Variants in UBAP2 observed in about 807,000 individuals in gnomAD.
UBAP2 encodes the protein ubiquitin-associated protein 2.
In UBAP2, 75 loss-of-function variants were observed where a neutral mutation model predicts 139.6. The observed-to-expected ratio is 0.54, with a 90% CI of 0.45 to 0.65. The LOEUF is 0.65. UBAP2 is among the 30% of genes least tolerant of loss of function. The probability of loss-of-function intolerance (pLI) is 0.00; values close to 1 mark genes in which losing one functional copy is unlikely to be tolerated. For synonymous variants in UBAP2, 526 were observed against 526.2 expected (o/e 1.00, Z 0.01); for missense variants, 1,368 against 1,369.6 (o/e 1.00, Z 0.02).
intron 1 of UBAP2, among the ~76,000 whole-genome samples, chr9:34,044,055 C>T (rs1827336594): frequency 7.0e-6 from 1 of 142,384 alleles, no homozygotes; most frequent in African/African-American, 2.7e-5. Context: ...CACACCACTG[C>T]ACTCTGGCCT....
chr9:34,018,495 TTCCAATTC>T (rs1465130722), intron 1 of UBAP2, among the ~76,000 whole-genome samples: 1 of 151,976 alleles, frequency 6.6e-6, no homozygotes, highest in Non-Finnish European at 1.5e-5. Context: ...GATCCAGCAA[TTCCAATTC>T]TGGGTAGGCA....
intron 17 of UBAP2, chr9:33,935,620 G>C: frequency 1.6e-6 from 1 of 608,080 alleles, no homozygotes; most frequent in Non-Finnish European, 2.9e-6. Context: ...AGTCTGATTA[G>C]GGCAGAAGAA....
chr9:33,981,342 G>A (rs1039398084), intron 6 of UBAP2, among the ~76,000 whole-genome samples: 2 of 141,190 alleles, frequency 1.4e-5, no homozygotes, highest in South Asian at 2.2e-4. Context: ...AATAAAAGAC[G>A]GGGAAAGATA....
chr9:33,929,823 G>A (rs1823805696), intron 19 of UBAP2, among the ~76,000 whole-genome samples: 1 of 152,142 alleles, frequency 6.6e-6, no homozygotes, highest in Non-Finnish European at 1.5e-5. Flanking sequence ...TCAACACAGT[G>A]AAACCCTGCC....
In UBAP2 at chr9:33,922,339, A is replaced by C. The variant is rs1182109044; in HGVS notation, c.*165T>G. 1 of 682,422 alleles carries C rather than the reference A, an allele frequency of 1.5e-6. No individual in the cohort carries two copies. The highest frequency in any genetic ancestry group is 2.5e-6 in the Non-Finnish European group (1 of 392,980). 42.3% of individuals were successfully genotyped at this position (682,422 alleles called of 1,614,324 possible). A position where few individuals can be genotyped will look rare whatever the true frequency, so the allele number is the denominator to read the frequency against. Reference sequence around the variant, plus strand: ...TATCACATTTACAAATACATACATAAATACATTACATACAGTAGCCAGTCT... The same window carrying C: ...TATCACATTTACAAATACATACATACATACATTACATACAGTAGCCAGTCT... On this transcript the variant is annotated 3_prime_UTR_variant, in exon 29 of 29. Transcript: ENST00000379238.
chr9:33,973,342 T>G (rs1283408587), intron 6 of UBAP2, 105 bp from the exon 7 acceptor site: 2 of 1,251,696 alleles, frequency 1.6e-6, no homozygotes, highest in Admixed American at 1.8e-5. Flanking sequence ...TTATCATTAT[T>G]CCTAGTAGCA....
intron 5 of UBAP2, among the ~76,000 whole-genome samples, chr9:33,988,102 ATC>A (rs1213170587): frequency 1.3e-5 from 2 of 152,130 alleles, no homozygotes; most frequent in African/African-American, 4.8e-5. Flanking sequence ...CATAATTTGC[ATC>A]TCTGTTTTTC....
intron 1 of UBAP2, among the ~76,000 whole-genome samples, chr9:34,022,218 C>G (rs1325677334): frequency 6.6e-6 from 1 of 151,868 alleles, no homozygotes; most frequent in South Asian, 2.1e-4. Context: ...GCACTCCAAC[C>G]TGGGCAACAA....
chr9:33,980,293 C>T (rs1285593168), intron 6 of UBAP2, among the ~76,000 whole-genome samples: 1 of 110,548 alleles, frequency 9.0e-6, no homozygotes, highest in African/African-American at 3.5e-5. Flanking sequence ...AGTGCAGTGG[C>T]GTGATCTCGG....
chr9:34,003,627 G>T (rs780585327), intron 2 of UBAP2, among the ~76,000 whole-genome samples: 34 of 151,934 alleles, frequency 2.2e-4, no homozygotes, highest in Non-Finnish European at 4.4e-4. Flanking sequence ...GGCTGGTCTT[G>T]AACTCCTGAC....
At chr9:33,949,703 TCA>T (rs1402307628) in intron 12 of UBAP2, among the ~76,000 whole-genome samples, 1 of 148,158 alleles carries the variant, frequency 6.7e-6, no homozygotes, top group African/African-American at 2.6e-5. Flanking sequence ...GACTCGTCTC[TCA>T]TGTGTGTGTG....
intron 3 of UBAP2, chr9:33,998,566 CAGAA>C (rs1822400965): frequency 2.1e-6 from 1 of 473,080 alleles, no homozygotes; most frequent in South Asian, 3.0e-5. Flanking sequence ...ACTAGTAACT[CAGAA>C]AGATTATATT....
At chr9:33,963,860 T>C in intron 8 of UBAP2, 69 bp from the exon 9 acceptor site, 3 of 1,165,782 alleles carry the variant, frequency 2.6e-6, no homozygotes, top group East Asian at 4.7e-5. Context: ...ACAGAGAAGA[T>C]GGTCACTGTC....
chr9:33,951,375 T>C (rs1826092601), intron 12 of UBAP2, among the ~76,000 whole-genome samples: 1 of 132,288 alleles, frequency 7.6e-6, no homozygotes, highest in African/African-American at 2.9e-5. Context: ...TGAGATAGAG[T>C]TTCTCTCGTC....
intron 2 of UBAP2, among the ~76,000 whole-genome samples, chr9:34,007,730 C>T (rs374228475): frequency 2.1e-4 from 32 of 151,574 alleles, no homozygotes; most frequent in African/African-American, 7.3e-4. Context: ...GCTCTGCCTC[C>T]CCGATTCACG....
At position 34,018,182 on chromosome 9, in the gene UBAP2, A is replaced by G. The variant is rs147902308; in HGVS notation, c.-41-993T>C. Among the ~76,000 whole-genome samples the G allele has an allele frequency of 6.3e-4, 96 of 151,472 alleles. No individual in the cohort carries two copies. The East Asian group carries it at 0.011, about 17-fold the overall frequency. ...CTCAATTTAAAAAAAAAAAAAAATT[A>G]TAACCATAAGATTCCTACTTCCTAC... On this transcript the variant is annotated intron_variant, in intron 1 of 28. Coordinates refer to ENST00000379238, the MANE Select transcript of UBAP2 (RefSeq NM_001370062.2).
intron 22 of UBAP2, 88 bp from the exon 23 acceptor site, chr9:33,924,372 C>A: frequency 7.6e-7 from 1 of 1,308,010 alleles, no homozygotes; most frequent in Non-Finnish European, 1.1e-6. Context: ...GGTGACGCCA[C>A]ACTCCTGAAA....
At chr9:34,043,576 T>C (rs1587709194) in intron 1 of UBAP2, among the ~76,000 whole-genome samples, 1 of 89,578 alleles carries the variant, frequency 1.1e-5, no homozygotes, top group African/African-American at 4.0e-5. Context: ...GGCACAATCA[T>C]AGCTCACTGT....
Position 33,954,032 on chromosome 9 carries a change from G to A in UBAP2, c.867-558C>T, listed in dbSNP as rs373418057. ...AGCGATTCTCGTGCCTCAGCCTCCCGAGTAGCTGGGATTACAGGCGTGTGC... is the reference window on the plus strand; with the variant it reads ...AGCGATTCTCGTGCCTCAGCCTCCCAAGTAGCTGGGATTACAGGCGTGTGC... On this transcript the variant is annotated intron_variant, in intron 11 of 28. Coordinates refer to ENST00000379238, the MANE Select transcript of UBAP2 (RefSeq NM_001370062.2). Among the ~76,000 whole-genome samples the A allele has an allele frequency of 2.8e-4, 43 of 151,724 alleles. 1 individual carries two copies. Among genetic ancestry groups the A allele is most frequent in the Admixed American group, 2.6e-3 (40 of 15,232 alleles).
Sources: gnomAD v4.1 joint callset for allele counts (sites outside exome capture counted in the v4.1 genomes callset) on GRCh38, gnomAD v4.1.1 for gene constraint, MANE v1.5 for transcripts, NCBI Gene and HGNC (gene_info 2026-07-23, HGNC 2026-07-21) for gene names.